The following PPARGC1A variants were observed in gnomAD, a reference collection of about 807,000 sequenced individuals.
The protein encoded by PPARGC1A is peroxisome proliferator-activated receptor gamma coactivator 1-alpha.
A neutral mutation model predicts 88.7 loss-of-function variants in PPARGC1A; 25 were observed. The observed-to-expected ratio is 0.28, with a 90% CI of 0.21 to 0.39. The LOEUF (loss-of-function observed/expected upper bound fraction) is 0.39. Among genes scored for constraint, PPARGC1A ranks in the 10% least tolerant of loss-of-function variants. The probability of loss-of-function intolerance (pLI) is 1.00; values close to 1 mark genes in which losing one functional copy is unlikely to be tolerated. For synonymous variants in PPARGC1A, 363 were observed against 355.6 expected, an observed-to-expected ratio of 1.02 and a Z score of -0.24; for missense variants, 880 against 968.7, an observed-to-expected ratio of 0.91 and a Z score of 1.22.
At chr4:24,110,378 T>C in the PPARGC1A span, among the ~76,000 whole-genome samples, 1 of 152,204 alleles carries the variant, frequency 6.6e-6, no homozygotes, top group Non-Finnish European at 1.5e-5. Flanking sequence ...TGAAATCAGA[T>C]AGATACCTGA....
chr4:23,831,324 C>T (rs1039440539), intron 3 of PPARGC1A, among the ~76,000 whole-genome samples: 2 of 152,086 alleles, frequency 1.3e-5, no homozygotes, highest in Non-Finnish European at 2.9e-5. Context: ...AAAATACACA[C>T]ACATAACAGC....
chr4:23,838,542 A>G (rs28514862), intron 2 of PPARGC1A, among the ~76,000 whole-genome samples: 2 of 152,206 alleles, frequency 1.3e-5, no homozygotes, highest in African/African-American at 4.8e-5. Context: ...ACCACCTTAC[A>G]TTTCGTAACA....
the PPARGC1A span, among the ~76,000 whole-genome samples, chr4:24,062,427 C>T: frequency 6.6e-6 from 1 of 152,194 alleles, no homozygotes; most frequent in Non-Finnish European, 1.5e-5. Flanking sequence ...AAGGCCAGTC[C>T]AGGAAGAGTA....
the PPARGC1A span, among the ~76,000 whole-genome samples, chr4:24,392,961 C>T: frequency 4.6e-5 from 7 of 151,370 alleles, no homozygotes; most frequent in Middle Eastern, 3.4e-3. Flanking sequence ...AAATGAAGAG[C>T]GAAGTCAACC....
At chr4:23,934,804 A>C in the PPARGC1A span, among the ~76,000 whole-genome samples, 1 of 152,190 alleles carries the variant, frequency 6.6e-6, no homozygotes, top group African/African-American at 2.4e-5. Context: ...TGGCTTGCCC[A>C]AGACCCCGGA....
At chr4:24,407,787 G>A in the PPARGC1A span, among the ~76,000 whole-genome samples, 5 of 152,164 alleles carry the variant, frequency 3.3e-5, no homozygotes. Context: ...GGGTTGTTAT[G>A]AAAAATAAAT....
At chr4:24,379,871 C>G in the PPARGC1A span, among the ~76,000 whole-genome samples, 1 of 151,500 alleles carries the variant, frequency 6.6e-6, no homozygotes, top group Non-Finnish European at 1.5e-5. Context: ...CTCCACCTCC[C>G]GGGTTCAAGT....
At chr4:24,468,899 C>T in the PPARGC1A span, among the ~76,000 whole-genome samples, 2,329 of 152,240 alleles carry the variant, frequency 0.015, 47 homozygotes, top group African/African-American at 0.048. Flanking sequence ...CTGCCTGCTA[C>T]TGATGTTGCA....
the PPARGC1A span, among the ~76,000 whole-genome samples, chr4:24,099,985 G>C: frequency 3.1e-5 from 4 of 127,166 alleles, no homozygotes; most frequent in Non-Finnish European, 6.6e-5. Flanking sequence ...GGTGGGGGGA[G>C]GGGGGAGGGA....
chr4:24,035,805 C>G, the PPARGC1A span, among the ~76,000 whole-genome samples: 3 of 152,076 alleles, frequency 2.0e-5, no homozygotes, highest in African/African-American at 7.2e-5. Flanking sequence ...AGTCTGCAAT[C>G]CTTTATGTTT....
At chr4:24,416,188 C>G in the PPARGC1A span, among the ~76,000 whole-genome samples, 1 of 152,078 alleles carries the variant, frequency 6.6e-6, no homozygotes, top group African/African-American at 2.4e-5. Flanking sequence ...TTCAAGAAGT[C>G]CAGACACACG....
the PPARGC1A span, among the ~76,000 whole-genome samples, chr4:24,468,434 C>T: frequency 9.2e-5 from 14 of 152,302 alleles, no homozygotes; most frequent in East Asian, 1.9e-4. Context: ...TGCTCCCCCC[C>T]GCACACACAC....
the PPARGC1A span, among the ~76,000 whole-genome samples, chr4:24,325,684 G>A: frequency 2.6e-5 from 4 of 152,188 alleles, no homozygotes; most frequent in South Asian, 2.1e-4. Context: ...GACTGACGCT[G>A]CCCGATCGCC....
chr4:24,335,383 G>A, the PPARGC1A span, among the ~76,000 whole-genome samples: 3,515 of 152,222 alleles, frequency 0.023, 109 homozygotes, highest in African/African-American at 0.069. Flanking sequence ...CAGCCCATAG[G>A]TGCTTGATGT....
At chr4:24,343,458 G>A in the PPARGC1A span, among the ~76,000 whole-genome samples, 439 of 152,224 alleles carry the variant, frequency 2.9e-3, 18 homozygotes, top group East Asian at 0.065. Flanking sequence ...TCCACAGGAC[G>A]CAGCAACAAG....
chr4:24,387,812 GAA>G, the PPARGC1A span, among the ~76,000 whole-genome samples: 82 of 108,194 alleles, frequency 7.6e-4, no homozygotes, highest in South Asian at 3.8e-3. Context: ...AAGAAAGAAA[GAA>G]AGAAAGAAAG....
Position 23,898,834 on chromosome 4 carries a change from A to ATT in PPARGC1A, n.52+431_52+432dup, listed in dbSNP as rs34953632. ...AACTTTAACAATTCCTGAGGTGGGT[A>ATT]TTTTTTTTTTTTTTTTTTTGAGACA... On this transcript the variant is annotated intron_variant and non_coding_transcript_variant, in intron 1 of 3. Coordinates refer to the PPARGC1A transcript ENST00000507342. 1.8e-4 allele frequency among the ~76,000 whole-genome samples: 24 copies of ATT among 133,260 alleles called. No individual in the cohort carries two copies. The East Asian group carries it at 2.9e-3, about 16-fold the overall frequency. The allele number at this position is 133,260 out of a possible 152,430, so 87.4% of individuals were successfully genotyped here. A position where few individuals can be genotyped will look rare whatever the true frequency, so the allele number is the denominator to read the frequency against.
At chr4:24,466,687 C>T in the PPARGC1A span, among the ~76,000 whole-genome samples, 2 of 151,916 alleles carry the variant, frequency 1.3e-5, no homozygotes, top group Non-Finnish European at 2.9e-5. Context: ...AAAAACAGCA[C>T]TTTGGGAGGC....
the PPARGC1A span, among the ~76,000 whole-genome samples, chr4:24,224,028 CA>C: frequency 6.6e-6 from 1 of 152,130 alleles, no homozygotes; most frequent in Non-Finnish European, 1.5e-5. Flanking sequence ...GCCAAAAACT[CA>C]AGAGTTTAAT....
Sources: allele counts gnomAD v4.1 joint callset (sites outside exome capture counted in the v4.1 genomes callset), GRCh38; gene constraint gnomAD v4.1.1; transcripts MANE v1.5; gene names NCBI Gene and HGNC (gene_info 2026-07-23, HGNC 2026-07-21).